UBQLN1: variants seen among roughly 807,000 people sequenced by gnomAD.
UBQLN1 encodes the protein ubiquilin 1, also known as ubiquilin-1.
In UBQLN1, 13 loss-of-function variants were observed where a neutral mutation model predicts 65.4. The observed-to-expected ratio is 0.20, with a 90% CI of 0.13 to 0.32. The LOEUF is 0.32. Among genes scored for constraint, UBQLN1 ranks in the 10% least tolerant of loss-of-function variants. UBQLN1 has a pLI of 1.00. For synonymous variants in UBQLN1, 267 were observed against 247.8 expected, an observed-to-expected ratio of 1.08 and a Z score of -0.73; for missense variants, 561 against 724.0, an observed-to-expected ratio of 0.77 and a Z score of 2.58.
At chr9:83,707,246 G>A (rs774974937) in intron 1 of UBQLN1, among the ~76,000 whole-genome samples, 4 of 152,164 alleles carry the variant, frequency 2.6e-5, no homozygotes, top group Non-Finnish European at 4.4e-5. Flanking sequence ...AGGGTCGGCG[G>A]ATACCAGAGA....
chr9:83,690,460 T>G (rs1832108481), intron 1 of UBQLN1, among the ~76,000 whole-genome samples: 1 of 152,248 alleles, frequency 6.6e-6, no homozygotes, highest in South Asian at 2.1e-4. Context: ...GTTGGTATCA[T>G]GTTCTACTTT....
At chr9:83,678,348 C>T (rs1433833767) in intron 5 of UBQLN1, 93 bp downstream of exon 5, 7 of 1,447,640 alleles carry the variant, frequency 4.8e-6, no homozygotes, top group African/African-American at 4.3e-5. Context: ...TTGAAAACCA[C>T]ATTCCTCATA....
Position 83,677,700 on chromosome 9 carries a change from AAAAAGCCTGAGTTGTT to A in UBQLN1, c.1105+11_1105+26del, listed in dbSNP as rs1329537756. 1 of 1,556,452 alleles carries A rather than the reference AAAAAGCCTGAGTTGTT, an allele frequency of 6.4e-7. No homozygotes were observed. The highest frequency in any genetic ancestry group is 1.1e-5 in the South Asian group (1 of 87,066). ...ATTATGTAAATGAGGACAACAAAGA[AAAAAGCCTGAGTTGTT>A]AAAAGCATACCTCCTACTCCAGGCA... On this transcript the variant is annotated intron_variant, in intron 6 of 10. Transcript: ENST00000376395.
Position 83,707,366 on chromosome 9 carries a change from T to C in UBQLN1, c.180+134A>G, listed in dbSNP as rs577269580. On this transcript the variant is annotated intron_variant, in intron 1 of 10. Transcript: ENST00000376395. ...CGCAAACCCACGAACTTGGGTGTGA[T>C]CTAATTTGGGACGACGCCCGGGAGA... is the stretch of plus-strand genomic sequence containing the variant. 1.6e-4 allele frequency: 161 copies of C among 992,838 alleles called. 1 individual carries two copies. Among genetic ancestry groups the C allele is most frequent in the Non-Finnish European group, 2.0e-4 (139 of 703,662 alleles). The allele number at this position is 992,838 out of a possible 1,614,324, so 61.5% of individuals were successfully genotyped here. A position where few individuals can be genotyped will look rare whatever the true frequency, so the allele number is the denominator to read the frequency against.
intron 8 of UBQLN1, 189 bp from the exon 9 acceptor site, chr9:83,665,334 A>T: frequency 2.2e-6 from 1 of 456,530 alleles, no homozygotes; most frequent in East Asian, 3.5e-5. Flanking sequence ...TGTGCAAATT[A>T]TTACTTGACC....
intron 1 of UBQLN1, among the ~76,000 whole-genome samples, chr9:83,686,930 A>G (rs1310089161): frequency 1.3e-5 from 2 of 152,184 alleles, no homozygotes; most frequent in African/African-American, 4.8e-5. Flanking sequence ...AAAAAAGAAA[A>G]AAAAATCTGA....
chr9:83,664,909 A>C (rs1031380008), intron 9 of UBQLN1, 121 bp downstream of exon 9: 1 of 631,488 alleles, frequency 1.6e-6, no homozygotes, highest in African/African-American at 2.4e-5. Flanking sequence ...GAAGGGCGAG[A>C]CCCTGTATCC....
chr9:83,667,209 T>C (rs912169417), intron 7 of UBQLN1: 12 of 152,420 alleles, frequency 7.9e-5, no homozygotes, highest in African/African-American at 2.9e-4. Context: ...TATGATGTCA[T>C]ATACCTGAAA....
intron 1 of UBQLN1, among the ~76,000 whole-genome samples, chr9:83,700,838 G>T (rs551099088): frequency 6.6e-6 from 1 of 152,274 alleles, no homozygotes; most frequent in African/African-American, 2.4e-5. Flanking sequence ...GTATTACACA[G>T]GGCCTCGCTA....
intron 1 of UBQLN1, among the ~76,000 whole-genome samples, chr9:83,700,106 TTA>T (rs1832286511): frequency 6.6e-6 from 1 of 152,196 alleles, no homozygotes; most frequent in East Asian, 1.9e-4. Flanking sequence ...ACATCTAAAA[TTA>T]TATTCATTAT....
rs988025784 is a variant in UBQLN1 at position 83,674,564 on chromosome 9, T to C, written c.1105+3163A>G. The stretch of plus-strand genomic sequence containing the variant: ...TACTAGTGATGACTAATTTAACAGT[T>C]AATTAAATCTTGATTGCAGTAACCA... On this transcript the variant is annotated intron_variant, in intron 6 of 10. Coordinates refer to ENST00000376395, the MANE Select transcript of UBQLN1 (RefSeq NM_013438.5). 6.6e-5 allele frequency among the ~76,000 whole-genome samples: 10 copies of C among 152,214 alleles called. No individual in the cohort carries two copies. The East Asian group carries it at 1.7e-3, about 26-fold the overall frequency.
intron 10 of UBQLN1, among the ~76,000 whole-genome samples, chr9:83,662,812 G>A (rs1391900413): frequency 6.6e-6 from 1 of 152,230 alleles, no homozygotes; most frequent in Non-Finnish European, 1.5e-5. Flanking sequence ...CCAGGCTCAC[G>A]CCTGTAATCC....
intron 2 of UBQLN1, among the ~76,000 whole-genome samples, chr9:83,684,009 AG>A (rs1457663315): frequency 6.6e-6 from 1 of 151,930 alleles, no homozygotes; most frequent in African/African-American, 2.4e-5. Flanking sequence ...TGACAGAGAG[AG>A]ACTCTTGAAA....
chr9:83,675,220 T>C (rs577420593), intron 6 of UBQLN1, among the ~76,000 whole-genome samples: 1 of 152,308 alleles, frequency 6.6e-6, no homozygotes, highest in African/African-American at 2.4e-5. Context: ...ATTATTTTAT[T>C]AGCTCATGCC....
At chr9:83,663,412 A>G (rs1025459152) in intron 10 of UBQLN1, among the ~76,000 whole-genome samples, 3 of 152,158 alleles carry the variant, frequency 2.0e-5, no homozygotes, top group African/African-American at 7.2e-5. Flanking sequence ...TATATATGTA[A>G]CACAAGCTAC....
At position 83,662,285 on chromosome 9, in the gene UBQLN1, C is replaced by T. The variant is rs1033805145; in HGVS notation, c.1618-346G>A. ...ATACATATACATATACACACACACACACACACACACACACACACACACACA... is the reference window on the plus strand; with the variant it reads ...ATACATATACATATACACACACACATACACACACACACACACACACACACA... On this transcript the variant is annotated intron_variant, in intron 10 of 10. Coordinates refer to ENST00000376395, the MANE Select transcript of UBQLN1 (RefSeq NM_013438.5). Among the ~76,000 whole-genome samples, 747 of 144,842 alleles carry T rather than the reference C, an allele frequency of 5.2e-3. 5 individuals are homozygous for T. The highest frequency in any genetic ancestry group is 0.018 in the African/African-American group (702 of 39,988).
rs1331771605 is a variant in UBQLN1 at position 83,707,845 on chromosome 9, G to A, written c.-166C>T. On this transcript the variant is annotated 5_prime_UTR_variant, in exon 1 of 11. Coordinates refer to ENST00000376395, the MANE Select transcript of UBQLN1 (RefSeq NM_013438.5). ...GCCACCGTAGCGGGTGTGGGGCCCC[G>A]GAGCTCGGTGCAGGCTCTGGCGCAG... is the stretch of plus-strand genomic sequence containing the variant. 5.8e-6 allele frequency: 6 copies of A among 1,040,630 alleles called. No homozygotes were observed. Among genetic ancestry groups the A allele is most frequent in the East Asian group, 6.3e-5 (2 of 31,834 alleles). 64.5% of individuals were successfully genotyped at this position (1,040,630 alleles called of 1,614,324 possible). A position where few individuals can be genotyped will look rare whatever the true frequency, so the allele number is the denominator to read the frequency against.
At chr9:83,664,771 TA>T (rs1831615843) in intron 9 of UBQLN1, among the ~76,000 whole-genome samples, 1 of 150,980 alleles carries the variant, frequency 6.6e-6, no homozygotes, top group Admixed American at 6.6e-5. Flanking sequence ...ATATATAAAT[TA>T]GCTAGGTGTG....
Position 83,677,759 on chromosome 9 carries a change from G to A in UBQLN1, c.1073C>T (p.Thr358Ile), listed in dbSNP as rs1477431784. Residue 358 changes from threonine (T) to isoleucine (I), a missense_variant, in exon 6 of 11, where the codon ACT becomes ATT. Physicochemically the swap from Thr to Ile is moderately conservative, Grantham distance 89. Around this residue, in one of 8 missense-constraint regions of UBQLN1, gnomAD observed 89 missense variants for 77.8 expected, o/e 1.14. Coordinates refer to ENST00000376395, the MANE Select transcript of UBQLN1 (RefSeq NM_013438.5). ...STASGTSGQS[T>I]TAPNLVPGVG... ...TCCAGGCACCAAATTTGGCGCAGTAGTACTCTGCCCAGAAGTGCCACTGGC... is the reference window on the plus strand; with the variant it reads ...TCCAGGCACCAAATTTGGCGCAGTAATACTCTGCCCAGAAGTGCCACTGGC... 6.2e-7 allele frequency: 1 copy of A among 1,614,176 alleles called. No individual in the cohort carries two copies. Among genetic ancestry groups the A allele is most frequent in the Non-Finnish European group, 8.5e-7 (1 of 1,180,024 alleles).
Sources: allele counts gnomAD v4.1 joint callset (sites outside exome capture counted in the v4.1 genomes callset), GRCh38; gene constraint gnomAD v4.1.1; regional missense constraint gnomAD v4.1.1; transcripts MANE v1.5; gene names NCBI Gene and HGNC (gene_info 2026-07-23, HGNC 2026-07-21).